Variants in CNBD1 observed in about 807,000 individuals in gnomAD.
CNBD1 encodes cyclic nucleotide-binding domain-containing protein 1.
In CNBD1, 71 loss-of-function variants were observed where a neutral mutation model predicts 54.4. The ratio of observed to expected loss-of-function variants is 1.30; its 90% CI spans 1.08 to 1.59. CNBD1 has a LOEUF of 1.59. CNBD1 is among the 40% of genes most tolerant of loss of function. CNBD1 has a pLI of 0.00. For synonymous variants in CNBD1, 182 were observed against 170.7 expected, an observed-to-expected ratio of 1.07 and a Z score of -0.51; for missense variants, 659 against 518.0, an observed-to-expected ratio of 1.27 and a Z score of -2.64.
At chr8:87,314,503 A>G (rs974982720) in intron 8 of CNBD1, among the ~76,000 whole-genome samples, 2 of 151,958 alleles carry the variant, frequency 1.3e-5, no homozygotes, top group Non-Finnish European at 2.9e-5. Context: ...GAAGTCAGCT[A>G]CATTCTTACA....
At chr8:87,185,106 T>C (rs1813446085) in intron 4 of CNBD1, among the ~76,000 whole-genome samples, 1 of 152,196 alleles carries the variant, frequency 6.6e-6, no homozygotes, top group Non-Finnish European at 1.5e-5. Flanking sequence ...TTTTTACAAA[T>C]ATACTGAGGT....
At position 87,425,558 on chromosome 8, in the gene CNBD1, G is replaced by A. The variant is rs1205787448; in HGVS notation, c.214-2988G>A. Among the ~76,000 whole-genome samples, 8 of 152,146 alleles carry A rather than the reference G, an allele frequency of 5.3e-5. No homozygotes were observed. In the South Asian group the frequency reaches 1.2e-3, roughly 24 times the overall value. ...TAACACACAGGACCCTCAGCTGCAG[G>A]TCTGTTGGAGTACCCTGCAGTGTGA... On this transcript the variant is annotated intron_variant, in intron 2 of 7. Transcript: ENST00000521593.
chr8:86,902,674 C>T (rs914863155), intron 2 of CNBD1, among the ~76,000 whole-genome samples: 4 of 151,818 alleles, frequency 2.6e-5, no homozygotes, highest in Non-Finnish European at 4.4e-5. Flanking sequence ...GAGTTTATTG[C>T]AGGTAAGCTT....
At chr8:86,991,655 G>C (rs1808751184) in intron 4 of CNBD1, among the ~76,000 whole-genome samples, 1 of 152,050 alleles carries the variant, frequency 6.6e-6, no homozygotes, top group Non-Finnish European at 1.5e-5. Flanking sequence ...AAGGTGTTTA[G>C]TTCTGTAAAC....
chr8:87,206,170 G>C (rs756545334), intron 5 of CNBD1, 32 bp downstream of exon 5: 4 of 1,461,914 alleles, frequency 2.7e-6, no homozygotes, highest in Non-Finnish European at 2.7e-6. Context: ...AATTTGGCGA[G>C]ATAAAATGCA....
At chr8:87,325,924 T>C (rs1450045205) in intron 8 of CNBD1, among the ~76,000 whole-genome samples, 1 of 119,294 alleles carries the variant, frequency 8.4e-6, no homozygotes, top group Non-Finnish European at 1.9e-5. Context: ...TTTGGCATGA[T>C]TTTGCAGCAG....
chr8:87,059,639 C>G (rs1169781577), intron 4 of CNBD1, among the ~76,000 whole-genome samples: 1 of 152,210 alleles, frequency 6.6e-6, no homozygotes, highest in Non-Finnish European at 1.5e-5. Context: ...ACCATCAGAT[C>G]TTGTGAGAAC....
chr8:87,233,197 C>T (rs1036216835), intron 5 of CNBD1, among the ~76,000 whole-genome samples: 9 of 152,212 alleles, frequency 5.9e-5, no homozygotes, highest in South Asian at 2.1e-4. Context: ...GGACGTTGAT[C>T]CTAGGAGTAT....
chr8:87,347,747 T>C, intron 8 of CNBD1, among the ~76,000 whole-genome samples: 1 of 152,210 alleles, frequency 6.6e-6, no homozygotes, highest in East Asian at 1.9e-4. Context: ...GATGGCTCCA[T>C]AGACATAGCA....
chr8:87,322,072 C>A (rs149698569), intron 8 of CNBD1, among the ~76,000 whole-genome samples: 1 of 130,260 alleles, frequency 7.7e-6, no homozygotes, highest in East Asian at 2.1e-4. Context: ...TTTGTTCTTG[C>A]GATAGTTTAC....
At chr8:87,235,409 A>G (rs1409263972) in intron 5 of CNBD1, among the ~76,000 whole-genome samples, 1 of 152,132 alleles carries the variant, frequency 6.6e-6, no homozygotes, top group Non-Finnish European at 1.5e-5. Flanking sequence ...AAAGTAAGAG[A>G]CACATGACTC....
rs1462159200 is a variant in CNBD1 at position 87,406,479 on chromosome 8, C to CACTT, written c.214-22067_214-22066insACTT. On this transcript the variant is annotated intron_variant, in intron 2 of 7. Coordinates refer to the CNBD1 transcript ENST00000521593. ...ACACACACACACACACACACACACA[C>CACTT]TTTTTTTTTTTTTTTTTTGAGACAG... Among the ~76,000 whole-genome samples the CACTT allele has an allele frequency of 1.1e-3, 92 of 82,716 alleles. 1 individual carries two copies. Among genetic ancestry groups the CACTT allele is most frequent in the African/African-American group, 4.6e-3 (85 of 18,618 alleles). 54.3% of individuals were successfully genotyped at this position (82,716 alleles called of 152,430 possible).
intron 4 of CNBD1, among the ~76,000 whole-genome samples, chr8:86,945,616 A>G (rs1407133816): frequency 6.6e-6 from 1 of 152,174 alleles, no homozygotes; most frequent in Non-Finnish European, 1.5e-5. Context: ...CCGCACTTCA[A>G]TGGAGTGGAA....
intron 8 of CNBD1, among the ~76,000 whole-genome samples, chr8:87,303,527 A>C (rs939706413): frequency 1.5e-4 from 23 of 152,318 alleles, no homozygotes; most frequent in East Asian, 1.2e-3. Flanking sequence ...CTAAAACCAT[A>C]AAAACCCTGG....
intron 8 of CNBD1, among the ~76,000 whole-genome samples, chr8:87,311,879 G>A (rs970664245): frequency 6.6e-6 from 1 of 152,098 alleles, no homozygotes; most frequent in East Asian, 1.9e-4. Context: ...TCACTTGTAA[G>A]TGGAAGCTAA....
At chr8:87,171,925 C>T (rs538624018) in intron 4 of CNBD1, among the ~76,000 whole-genome samples, 1 of 152,156 alleles carries the variant, frequency 6.6e-6, no homozygotes, top group African/African-American at 2.4e-5. Context: ...GCATGAGCCA[C>T]CGCGCCTGGG....
At chr8:87,307,349 A>G (rs1363286076) in intron 8 of CNBD1, among the ~76,000 whole-genome samples, 1 of 152,224 alleles carries the variant, frequency 6.6e-6, no homozygotes, top group Non-Finnish European at 1.5e-5. Flanking sequence ...TTAATGGGAC[A>G]TAGGCATGGG....
chr8:86,879,005 T>C (rs1448763335), intron 1 of CNBD1, among the ~76,000 whole-genome samples: 2 of 152,212 alleles, frequency 1.3e-5, no homozygotes, highest in Non-Finnish European at 2.9e-5. Context: ...TTCAATCTCA[T>C]GTAGATGGGA....
chr8:87,375,133 C>T (rs1488950331), intron 10 of CNBD1, among the ~76,000 whole-genome samples: 3 of 151,760 alleles, frequency 2.0e-5, no homozygotes, highest in Non-Finnish European at 4.4e-5. Context: ...ACTATTGCAT[C>T]TAAGTTTTAG....
Sources: allele counts gnomAD v4.1 joint callset (sites outside exome capture counted in the v4.1 genomes callset), GRCh38; gene constraint gnomAD v4.1.1; transcripts MANE v1.5; gene names NCBI Gene and HGNC (gene_info 2026-07-23, HGNC 2026-07-21).